LMO1: variants seen among roughly 807,000 people sequenced by gnomAD.
LMO1 encodes the protein rhombotin-1.
A neutral mutation model predicts 18.0 loss-of-function variants in LMO1; 10 were observed. The ratio of observed to expected loss-of-function variants is 0.55; its 90% confidence interval spans 0.34 to 0.94. The LOEUF (loss-of-function observed/expected upper bound fraction) is 0.94, where lower values mean the gene tolerates loss of function less well. LMO1 is among the 40% of genes least tolerant of loss of function. The probability of loss-of-function intolerance (pLI) is 0.02; values close to 1 mark genes in which losing one functional copy is unlikely to be tolerated. For missense variants in LMO1, 183 were observed against 205.7 expected (o/e 0.89, Z 0.68); for synonymous variants, 77 against 77.9 (o/e 0.99, Z 0.06).
In LMO1 at chr11:8,224,613, G is replaced by A. The variant is rs1952500435; in HGVS notation, c.*3C>T. The A allele has an allele frequency of 6.3e-7, 1 of 1,584,660 alleles. No individual in the cohort carries two copies. The highest frequency in any genetic ancestry group is 1.1e-5 in the South Asian group (1 of 88,016). ...GACGGGCCTGGAGGCCAGGCGCCGG[G>A]CGTTACTGAACTTGGGATTCAAAGG... On this transcript the variant is annotated 3_prime_UTR_variant, in exon 4 of 4. Coordinates refer to ENST00000335790, the MANE Select transcript of LMO1 (RefSeq NM_002315.3).
intron 1 of LMO1, among the ~76,000 whole-genome samples, chr11:8,236,479 T>A (rs1325370603): frequency 6.6e-6 from 1 of 151,866 alleles, no homozygotes; most frequent in African/African-American, 2.4e-5. Flanking sequence ...GTGCTGGGGT[T>A]AGTAGGAGAA....
intron 1 of LMO1, among the ~76,000 whole-genome samples, chr11:8,262,742 C>T (rs2134590859): frequency 6.6e-6 from 1 of 152,346 alleles, no homozygotes; most frequent in East Asian, 1.9e-4. Context: ...GCACAAGAGG[C>T]GGCTCTCTTT....
chr11:8,243,521 A>C (rs1846834465), intron 1 of LMO1, among the ~76,000 whole-genome samples: 1 of 152,166 alleles, frequency 6.6e-6, no homozygotes, highest in African/African-American at 2.4e-5. Context: ...CCCAAGTGCA[A>C]AGGGAAAGTG....
intron 1 of LMO1, among the ~76,000 whole-genome samples, chr11:8,235,624 G>A (rs1222139605): frequency 6.6e-6 from 1 of 152,184 alleles, no homozygotes; most frequent in Non-Finnish European, 1.5e-5. Context: ...CTTACATCTG[G>A]AAGAATTCCT....
At chr11:8,260,802 G>A (rs1333973739) in intron 1 of LMO1, among the ~76,000 whole-genome samples, 1 of 152,134 alleles carries the variant, frequency 6.6e-6, no homozygotes, top group Non-Finnish European at 1.5e-5. Flanking sequence ...AAAGGCGTTG[G>A]GGGTGGTTAA....
intron 1 of LMO1, among the ~76,000 whole-genome samples, chr11:8,247,277 G>A (rs1298379489): frequency 6.6e-6 from 1 of 152,158 alleles, no homozygotes; most frequent in Non-Finnish European, 1.5e-5. Flanking sequence ...ACTCCCCCAG[G>A]CAGGGTTGGG....
chr11:8,236,877 T>C (rs1335444112), intron 1 of LMO1, among the ~76,000 whole-genome samples: 2 of 152,206 alleles, frequency 1.3e-5, no homozygotes, highest in African/African-American at 4.8e-5. Context: ...GCATGCGTTT[T>C]GGTGTGCTTA....
At chr11:8,253,346 C>T (rs1847036678) in intron 1 of LMO1, among the ~76,000 whole-genome samples, 1 of 152,220 alleles carries the variant, frequency 6.6e-6, no homozygotes, top group African/African-American at 2.4e-5. Context: ...AGAGAAATGG[C>T]ACCAGTCATC....
At chr11:8,234,674 G>A (rs1174128708) in intron 1 of LMO1, among the ~76,000 whole-genome samples, 1 of 152,078 alleles carries the variant, frequency 6.6e-6, no homozygotes, top group Non-Finnish European at 1.5e-5. Flanking sequence ...CCACCTCCTG[G>A]CAACTCCACT....
chr11:8,240,411 A>G (rs1348078358), intron 1 of LMO1, among the ~76,000 whole-genome samples: 1 of 152,202 alleles, frequency 6.6e-6, no homozygotes, highest in Non-Finnish European at 1.5e-5. Context: ...TGTTGAGGGA[A>G]GCTGACTCTG....
chr11:8,268,394 CCCGGGCACCGGCACCGGGCG>C, upstream of LMO1: 1 of 1,466,576 alleles, frequency 6.8e-7, no homozygotes, highest in South Asian at 1.3e-5. Flanking sequence ...CCCGCGTGCC[CCCGGGCACCGGCACCGGGCG>C]CCGGGCACCT....
intron 1 of LMO1, among the ~76,000 whole-genome samples, chr11:8,250,379 T>C (rs573622779): frequency 5.8e-4 from 89 of 152,366 alleles, no homozygotes; most frequent in Non-Finnish European, 2.5e-4. Context: ...ATCTTTTTTT[T>C]GAGAATAATA....
intron 1 of LMO1, among the ~76,000 whole-genome samples, chr11:8,261,483 T>G (rs146906200): frequency 4.9e-4 from 74 of 152,296 alleles, no homozygotes; most frequent in African/African-American, 1.3e-3. Context: ...GTAGGGGGTG[T>G]CATCTTGTTG....
chr11:8,256,061 G>T (rs944845220), intron 1 of LMO1, among the ~76,000 whole-genome samples: 1 of 152,050 alleles, frequency 6.6e-6, no homozygotes, highest in African/African-American at 2.4e-5. Context: ...TCCTGACCTC[G>T]TGATCCTCCC....
intron 1 of LMO1, among the ~76,000 whole-genome samples, chr11:8,239,524 G>C (rs917359197): frequency 6.6e-6 from 1 of 152,138 alleles, no homozygotes; most frequent in Admixed American, 6.5e-5. Flanking sequence ...GAAGGACAAA[G>C]AAGCCTTGAG....
intron 1 of LMO1, among the ~76,000 whole-genome samples, chr11:8,253,958 G>A (rs928614587): frequency 2.6e-5 from 4 of 152,144 alleles, no homozygotes; most frequent in Non-Finnish European, 5.9e-5. Context: ...AGCAGAATGC[G>A]TCAGACTGTA....
chr11:8,268,203 G>A (rs1206246199), upstream of LMO1, among the ~76,000 whole-genome samples: 1 of 152,210 alleles, frequency 6.6e-6, no homozygotes, highest in Admixed American at 6.5e-5. Flanking sequence ...TCCTAATCCC[G>A]CCGCCGCCGA....
At chr11:8,240,112 T>C (rs1207166966) in intron 1 of LMO1, among the ~76,000 whole-genome samples, 1 of 85,796 alleles carries the variant, frequency 1.2e-5, no homozygotes, top group East Asian at 8.0e-4. Context: ...ATGGGGAAAG[T>C]GAACTTGGAC....
intron 1 of LMO1, among the ~76,000 whole-genome samples, chr11:8,238,812 G>C (rs896058698): frequency 6.6e-6 from 1 of 152,022 alleles, no homozygotes; most frequent in Non-Finnish European, 1.5e-5. Flanking sequence ...GTGCATACCT[G>C]TACAAAAATT....
Sources: gnomAD v4.1 joint callset for allele counts (sites outside exome capture counted in the v4.1 genomes callset) on GRCh38, gnomAD v4.1.1 for gene constraint, MANE v1.5 for transcripts, NCBI Gene and HGNC (gene_info 2026-07-23, HGNC 2026-07-21) for gene names.